GNAI1: variants seen among roughly 807,000 people sequenced by gnomAD.
The protein encoded by GNAI1 is guanine nucleotide-binding protein G(i) subunit alpha-1.
A neutral mutation model predicts 38.9 loss-of-function variants in GNAI1; 11 were observed. The ratio of observed to expected loss-of-function variants is 0.28; its 90% CI spans 0.18 to 0.47. The LOEUF (loss-of-function observed/expected upper bound fraction) is 0.47, where lower values mean the gene tolerates loss of function less well. Ranked by LOEUF, GNAI1 falls within the 20% of genes least tolerant of loss-of-function variation. The pLI is 0.99. For synonymous variants in GNAI1, 166 were observed against 145.1 expected (o/e 1.14, Z -1.04); for missense variants, 317 against 436.9 (o/e 0.73, Z 2.45).
intron 1 of GNAI1, among the ~76,000 whole-genome samples, chr7:80,137,064 A>G (rs573131545): frequency 4.8e-4 from 73 of 151,974 alleles, no homozygotes; most frequent in Non-Finnish European, 4.6e-4. Flanking sequence ...CAGCCCCCTA[A>G]CCTGTGAGCT....
At chr7:80,214,870 A>G (rs954420031) in intron 7 of GNAI1, among the ~76,000 whole-genome samples, 3 of 152,122 alleles carry the variant, frequency 2.0e-5, no homozygotes, top group African/African-American at 4.8e-5. Context: ...AGTCGTATCT[A>G]TTCTCAATAG....
intron 5 of GNAI1, among the ~76,000 whole-genome samples, chr7:80,208,728 C>G (rs1788822069): frequency 6.6e-6 from 1 of 152,186 alleles, no homozygotes; most frequent in African/African-American, 2.4e-5. Context: ...ATCTCTTCCA[C>G]TCTCATTTTA....
intron 1 of GNAI1, among the ~76,000 whole-genome samples, chr7:80,180,560 T>C (rs1015349313): frequency 6.6e-6 from 1 of 152,182 alleles, no homozygotes; most frequent in African/African-American, 2.4e-5. Flanking sequence ...TTGGTACAGA[T>C]GCCTCATTAA....
At chr7:80,150,814 T>C (rs565986545) in intron 1 of GNAI1, among the ~76,000 whole-genome samples, 117 of 152,342 alleles carry the variant, frequency 7.7e-4, no homozygotes, top group African/African-American at 2.8e-3. Context: ...TCCCAAGCCT[T>C]ATTTACTCCT....
chr7:80,191,766 C>A (rs1430535105), intron 3 of GNAI1, among the ~76,000 whole-genome samples: 6 of 152,242 alleles, frequency 3.9e-5, no homozygotes, highest in African/African-American at 9.6e-5. Flanking sequence ...GAAGGATAAC[C>A]AGATACTGAA....
chr7:80,177,611 A>C (rs1190743666), intron 1 of GNAI1, among the ~76,000 whole-genome samples: 1 of 152,086 alleles, frequency 6.6e-6, no homozygotes, highest in Non-Finnish European at 1.5e-5. Context: ...CCTCCCATGT[A>C]GCTAGGACTA....
chr7:80,162,329 C>A (rs572239598), intron 1 of GNAI1, among the ~76,000 whole-genome samples: 3 of 152,262 alleles, frequency 2.0e-5, no homozygotes, highest in Admixed American at 1.3e-4. Flanking sequence ...ATAATCTGCT[C>A]CTGTGCCAGG....
At chr7:80,143,925 C>CGTGT (rs370293886) in intron 1 of GNAI1, among the ~76,000 whole-genome samples, 64,405 of 126,742 alleles carry the variant, frequency 0.51, 14,302 homozygotes, top group Middle Eastern at 0.6. Flanking sequence ...TGTGTGTGCG[C>CGTGT]GCGTGTGTGT....
chr7:80,139,068 A>G lies in GNAI1; in HGVS notation c.118+3790A>G, dbSNP rs77032236. Among the ~76,000 whole-genome samples, 1,521 of 152,326 alleles carry G rather than the reference A, an allele frequency of 1.0e-2. 31 individuals carry two copies. Among genetic ancestry groups the G allele is most frequent in the African/African-American group, 0.034 (1,429 of 41,572 alleles). The stretch of plus-strand genomic sequence containing the variant: ...ATTGGTTTAGGATCTTAGATGTCAA[A>G]AAGCCCATTTCCTTGAATAAACGGA... On this transcript the variant is annotated intron_variant, in intron 1 of 7. Coordinates refer to ENST00000649796, the MANE Select transcript of GNAI1 (RefSeq NM_002069.6).
chr7:80,136,648 G>A (rs1787422126), intron 1 of GNAI1, among the ~76,000 whole-genome samples: 1 of 152,172 alleles, frequency 6.6e-6, no homozygotes, highest in Non-Finnish European at 1.5e-5. Flanking sequence ...GTGTTTTGAT[G>A]AGGTTAGTGT....
intron 5 of GNAI1, among the ~76,000 whole-genome samples, chr7:80,204,599 T>A (rs1438585789): frequency 6.6e-6 from 1 of 152,198 alleles, no homozygotes; most frequent in Non-Finnish European, 1.5e-5. Flanking sequence ...TTGCAGAGTC[T>A]TGTTTTATCT....
chr7:80,217,199 T>TGTATGAAACTGACTTCAGGTTCATAG, intron 7 of GNAI1, 104 bp from the exon 8 acceptor site: 1 of 575,048 alleles, frequency 1.7e-6, no homozygotes, highest in Non-Finnish European at 2.8e-6. Flanking sequence ...TGAATGAAAC[T>TGTATGAAACTGACTTCAGGTTCATAG]GTATGAAACT....
intron 3 of GNAI1, among the ~76,000 whole-genome samples, chr7:80,198,065 T>C (rs892771941): frequency 5.9e-5 from 9 of 151,968 alleles, no homozygotes; most frequent in Admixed American, 1.3e-4. Context: ...TCTGGGTTTT[T>C]TGTTTGTTTA....
At chr7:80,188,445 A>G (rs756867216) in intron 1 of GNAI1, among the ~76,000 whole-genome samples, 7 of 152,176 alleles carry the variant, frequency 4.6e-5, no homozygotes, top group Admixed American at 3.9e-4. Context: ...ATTTGAGTTG[A>G]TTGACTTTAA....
intron 1 of GNAI1, among the ~76,000 whole-genome samples, chr7:80,141,730 G>A (rs1787529678): frequency 6.6e-6 from 1 of 151,950 alleles, no homozygotes; most frequent in Admixed American, 6.6e-5. Flanking sequence ...TTCCTGTCCC[G>A]TTTTACTGTA....
intron 1 of GNAI1, among the ~76,000 whole-genome samples, chr7:80,161,149 T>C (rs1288289723): frequency 6.6e-6 from 1 of 152,210 alleles, no homozygotes; most frequent in Non-Finnish European, 1.5e-5. Context: ...TTCTTCATGA[T>C]ATTAGTGTTC....
intron 1 of GNAI1, among the ~76,000 whole-genome samples, chr7:80,158,231 T>C (rs1027087961): frequency 6.6e-6 from 1 of 152,234 alleles, no homozygotes; most frequent in Non-Finnish European, 1.5e-5. Flanking sequence ...GTATAAAGTT[T>C]AGAATCATTT....
At chr7:80,189,379 G>C in intron 3 of GNAI1, 148 bp downstream of exon 3, 1 of 678,880 alleles carries the variant, frequency 1.5e-6, no homozygotes, top group Middle Eastern at 3.6e-4. Context: ...AATGAGGAGC[G>C]TTAGAAGTGA....
intron 3 of GNAI1, among the ~76,000 whole-genome samples, chr7:80,192,007 G>C (rs1424971312): frequency 6.6e-6 from 1 of 151,996 alleles, no homozygotes; most frequent in Admixed American, 6.5e-5. Flanking sequence ...TATTTCTTCT[G>C]TGAACTCCTC....
Sources: gnomAD v4.1 joint callset for allele counts (sites outside exome capture counted in the v4.1 genomes callset) on GRCh38, gnomAD v4.1.1 for gene constraint, MANE v1.5 for transcripts, NCBI Gene and HGNC (gene_info 2026-07-23, HGNC 2026-07-21) for gene names.